The following STXBP5L variants were observed in gnomAD, a reference collection of about 807,000 sequenced individuals.
STXBP5L encodes the protein syntaxin binding protein 5L.
In STXBP5L, 65 loss-of-function variants were observed where a neutral mutation model predicts 144.5. The observed-to-expected ratio is 0.45, with a 90% CI of 0.37 to 0.55. STXBP5L has a LOEUF of 0.55. Ranked by LOEUF, STXBP5L falls within the 20% of genes least tolerant of loss-of-function variation. The pLI is 0.00. For synonymous variants in STXBP5L, 505 were observed against 469.6 expected (o/e 1.08, Z -0.97); for missense variants, 1,298 against 1,405.5 (o/e 0.92, Z 1.22).
chr3:121,401,355 T>C (rs4525804), intron 22 of STXBP5L, among the ~76,000 whole-genome samples: 1 of 151,204 alleles, frequency 6.6e-6, no homozygotes, highest in African/African-American at 2.4e-5. Context: ...AGGGATCTAG[T>C]ACTAGAAATA....
intron 22 of STXBP5L, among the ~76,000 whole-genome samples, chr3:121,405,311 T>C (rs1987097): frequency 0.59 from 90,066 of 151,834 alleles, 27,748 homozygotes; most frequent in East Asian, 0.89. Flanking sequence ...CTTTTCTGCT[T>C]TTTTTCCTTA....
At chr3:120,917,507 G>T (rs1234935530) in intron 2 of STXBP5L, among the ~76,000 whole-genome samples, 1 of 152,052 alleles carries the variant, frequency 6.6e-6, no homozygotes, top group African/African-American at 2.4e-5. Flanking sequence ...GGAATGGTAG[G>T]GTGGGGAATA....
At chr3:121,206,080 G>C (rs1439221608) in intron 10 of STXBP5L, 79 bp downstream of exon 10, 2 of 816,000 alleles carry the variant, frequency 2.5e-6, no homozygotes, top group African/African-American at 1.8e-5. Flanking sequence ...TTAAGATATT[G>C]TTTAAAGTTT....
At chr3:120,926,574 G>A (rs1286498602) in intron 2 of STXBP5L, among the ~76,000 whole-genome samples, 2 of 151,894 alleles carry the variant, frequency 1.3e-5, no homozygotes, top group East Asian at 1.9e-4. Context: ...GTACTTGGAT[G>A]TTTATCTCTT....
intron 7 of STXBP5L, 152 bp downstream of exon 7, chr3:121,121,856 A>G (rs900925529): frequency 3.0e-5 from 14 of 468,574 alleles, no homozygotes; most frequent in African/African-American, 2.0e-5. Context: ...GAATGAGTAA[A>G]TGAATGAATG....
chr3:120,961,376 A>G (rs1421622680), intron 3 of STXBP5L, among the ~76,000 whole-genome samples: 5 of 151,652 alleles, frequency 3.3e-5, no homozygotes, highest in African/African-American at 9.7e-5. Context: ...TGCACCCATC[A>G]ACTCATCATT....
chr3:121,044,329 A>AT (rs918878352), intron 4 of STXBP5L, among the ~76,000 whole-genome samples: 12 of 152,174 alleles, frequency 7.9e-5, no homozygotes, highest in African/African-American at 2.6e-4. Flanking sequence ...ATACATGAGC[A>AT]TTTTTTTGGC....
At chr3:121,184,117 CA>C (rs2047272344) in intron 9 of STXBP5L, among the ~76,000 whole-genome samples, 1 of 151,892 alleles carries the variant, frequency 6.6e-6, no homozygotes, top group South Asian at 2.1e-4. Flanking sequence ...AAAAACAGTG[CA>C]AAAAGGCTGA....
intron 4 of STXBP5L, among the ~76,000 whole-genome samples, chr3:121,043,200 C>T (rs1420947961): frequency 6.6e-6 from 1 of 152,140 alleles, no homozygotes; most frequent in African/African-American, 2.4e-5. Flanking sequence ...TCCCAAACTT[C>T]CCAGTTTCTG....
chr3:121,147,417 C>T, intron 7 of STXBP5L, among the ~76,000 whole-genome samples: 1 of 151,956 alleles, frequency 6.6e-6, no homozygotes, highest in Non-Finnish European at 1.5e-5. Flanking sequence ...AACAAAATTG[C>T]AATAACAATG....
chr3:120,992,867 G>A (rs780182265), intron 3 of STXBP5L, among the ~76,000 whole-genome samples: 3 of 151,990 alleles, frequency 2.0e-5, no homozygotes, highest in Non-Finnish European at 4.4e-5. Context: ...AGCTTTTTGA[G>A]GAACCTTAAT....
At chr3:121,316,679 A>G (rs554250737) in intron 19 of STXBP5L, among the ~76,000 whole-genome samples, 14 of 152,338 alleles carry the variant, frequency 9.2e-5, no homozygotes, top group Non-Finnish European at 1.9e-4. Context: ...TGTTATTACT[A>G]TTACTACAAA....
chr3:121,413,609 A>G (rs905740855), intron 24 of STXBP5L, among the ~76,000 whole-genome samples: 4 of 152,300 alleles, frequency 2.6e-5, no homozygotes, highest in African/African-American at 9.6e-5. Context: ...ATAAAAGATT[A>G]TAAACTCTCC....
intron 5 of STXBP5L, among the ~76,000 whole-genome samples, chr3:121,113,666 C>CTTTTTTTTTTTTTTTTTT (rs1273804231): frequency 1.1e-4 from 15 of 132,900 alleles, no homozygotes; most frequent in South Asian, 2.5e-4. Flanking sequence ...ATTCTTTTTT[C>CTTTTTTTTTTTTTTTTTT]TTTTTCTTTT....
chr3:121,090,423 G>T (rs1387403143), intron 5 of STXBP5L, among the ~76,000 whole-genome samples: 1 of 151,976 alleles, frequency 6.6e-6, no homozygotes, highest in African/African-American at 2.4e-5. Context: ...TCCTCAAATG[G>T]ATTCTACTAA....
chr3:121,365,378 A>C (rs1002522804), intron 20 of STXBP5L, among the ~76,000 whole-genome samples: 4 of 150,526 alleles, frequency 2.7e-5, no homozygotes, highest in African/African-American at 9.8e-5. Flanking sequence ...GAGTGAAGCC[A>C]ACAGGTTCAG....
At chr3:121,134,627 T>G (rs1577037171) in intron 7 of STXBP5L, among the ~76,000 whole-genome samples, 1 of 151,436 alleles carries the variant, frequency 6.6e-6, no homozygotes, top group African/African-American at 2.4e-5. Flanking sequence ...CATTGTTCAA[T>G]TCCCGCCTAT....
intron 10 of STXBP5L, among the ~76,000 whole-genome samples, chr3:121,218,759 G>A (rs1274747632): frequency 2.0e-5 from 3 of 152,170 alleles, no homozygotes; most frequent in Non-Finnish European, 4.4e-5. Flanking sequence ...AGTTAAGGCA[G>A]TGTAAAGTAA....
intron 10 of STXBP5L, among the ~76,000 whole-genome samples, chr3:121,212,787 C>G (rs779283207): frequency 3.3e-5 from 5 of 152,016 alleles, no homozygotes; most frequent in Non-Finnish European, 5.9e-5. Context: ...AGCATTGAAT[C>G]TATAAAGTAT....
Sources: gnomAD v4.1 joint callset for allele counts (sites outside exome capture counted in the v4.1 genomes callset) on GRCh38, gnomAD v4.1.1 for gene constraint, MANE v1.5 for transcripts, NCBI Gene and HGNC (gene_info 2026-07-23, HGNC 2026-07-21) for gene names.